PALLD: variants seen among roughly 807,000 people sequenced by gnomAD.
The protein encoded by PALLD is palladin, cytoskeletal associated protein.
In PALLD, 61 loss-of-function variants were observed where a neutral mutation model predicts 123.5. The ratio of observed to expected loss-of-function variants is 0.49; its 90% CI spans 0.40 to 0.61. The LOEUF (loss-of-function observed/expected upper bound fraction) is 0.61. Among genes scored for constraint, PALLD ranks in the 20% least tolerant of loss-of-function variants. The probability of loss-of-function intolerance (pLI) is 0.00; values close to 1 mark genes in which losing one functional copy is unlikely to be tolerated. For missense variants in PALLD, 1,273 were observed against 1,377.0 expected (o/e 0.92, Z 1.20); for synonymous variants, 465 against 496.4 (o/e 0.94, Z 0.84).
chr4:168,511,807 T>TGTCCAGA lies in PALLD; in HGVS notation c.309_310insAGTCCAG (p.Pro104SerfsTer10). ...GACCTCAGGATAACAGGTCAACACC[T>TGTCCAGA]GTCCAGCCTCTGGCAGAGAAACAAA... On this transcript the variant is annotated frameshift_variant, in exon 2 of 22. Transcript: ENST00000505667. LOFTEE classifies it high-confidence loss of function. 3.7e-6 allele frequency: 6 copies of TGTCCAGA among 1,614,184 alleles called. No homozygotes were observed. The highest frequency in any genetic ancestry group is 5.1e-6 in the Non-Finnish European group (6 of 1,180,028).
intron 2 of PALLD, among the ~76,000 whole-genome samples, chr4:168,628,505 C>T (rs747091005): frequency 1.3e-5 from 2 of 152,174 alleles, no homozygotes; most frequent in South Asian, 2.1e-4. Flanking sequence ...GTTCCTCAAA[C>T]GTGCTAGGCA....
intron 2 of PALLD, among the ~76,000 whole-genome samples, chr4:168,606,194 C>T (rs1358157262): frequency 6.6e-6 from 1 of 152,136 alleles, no homozygotes; most frequent in African/African-American, 2.4e-5. Flanking sequence ...GGAAGTTGAG[C>T]ATCCTTACGT....
intron 8 of PALLD, among the ~76,000 whole-genome samples, chr4:168,695,143 C>T (rs1783019226): frequency 6.6e-6 from 1 of 152,192 alleles, no homozygotes; most frequent in African/African-American, 2.4e-5. Context: ...ATTTTAATTT[C>T]TGCTCACCAG....
intron 10 of PALLD, among the ~76,000 whole-genome samples, chr4:168,870,949 A>C (rs757909925): frequency 1.8e-4 from 27 of 152,220 alleles, no homozygotes; most frequent in Non-Finnish European, 3.8e-4. Flanking sequence ...ATTGTATAGA[A>C]ATCTAGGGAT....
chr4:168,785,844 GAGATATATAT>G lies in PALLD; in HGVS notation c.1964+73923_1964+73932del, dbSNP rs1208998107. Among the ~76,000 whole-genome samples, 96 of 53,216 alleles carry G rather than the reference GAGATATATAT, an allele frequency of 1.8e-3. 2 individuals are homozygous for G. Among genetic ancestry groups the G allele is most frequent in the African/African-American group, 5.0e-3 (88 of 17,660 alleles). The allele number at this position is 53,216 out of a possible 152,430, so 34.9% of individuals were successfully genotyped here. ...ACAGAGTCAGTTCTAATAAACTGTA[GAGATATATAT>G]ATATATATATATATATATATATAGC... On this transcript the variant is annotated intron_variant, in intron 10 of 21. Transcript: ENST00000505667.
chr4:168,904,591 A>C (rs1757230803), intron 15 of PALLD, among the ~76,000 whole-genome samples: 1 of 152,136 alleles, frequency 6.6e-6, no homozygotes, highest in Non-Finnish European at 1.5e-5. Flanking sequence ...ATGAGTAAAA[A>C]GTTATTTTGT....
intron 10 of PALLD, among the ~76,000 whole-genome samples, chr4:168,773,338 C>T (rs898962363): frequency 3.9e-5 from 6 of 152,208 alleles, no homozygotes; most frequent in African/African-American, 1.2e-4. Context: ...GGAGCTTCCA[C>T]CAGGTTTTCT....
At chr4:168,766,775 A>C (rs1420294162) in intron 10 of PALLD, among the ~76,000 whole-genome samples, 1 of 152,202 alleles carries the variant, frequency 6.6e-6, no homozygotes, top group African/African-American at 2.4e-5. Context: ...ATATGATCTC[A>C]GTCATTCTAG....
At chr4:168,721,685 A>G (rs574693060) in intron 10 of PALLD, among the ~76,000 whole-genome samples, 1 of 152,292 alleles carries the variant, frequency 6.6e-6, no homozygotes, top group South Asian at 2.1e-4. Flanking sequence ...TCCTTCCTCC[A>G]TTAAACTTCA....
chr4:168,795,587 A>G (rs967012388), intron 10 of PALLD, among the ~76,000 whole-genome samples: 22 of 152,184 alleles, frequency 1.4e-4, no homozygotes, highest in South Asian at 2.1e-4. Flanking sequence ...TTCCTGAGAA[A>G]AGTTCCTATG....
At chr4:168,863,890 T>G (rs1249376144) in intron 10 of PALLD, 1 of 152,246 alleles carries the variant, frequency 6.6e-6, no homozygotes, top group African/African-American at 2.4e-5. Context: ...TAATCTTGGT[T>G]TCCTGGTATG....
chr4:168,563,470 C>A (rs1348466836), intron 2 of PALLD, among the ~76,000 whole-genome samples: 1 of 152,164 alleles, frequency 6.6e-6, no homozygotes, highest in Non-Finnish European at 1.5e-5. Flanking sequence ...AAAGTCAAAT[C>A]TCAGTAAAAC....
rs996343137 is a variant in PALLD at position 168,878,056 on chromosome 4, C to T, written c.1965-12866C>T. 1.4e-6 allele frequency: 2 copies of T among 1,480,438 alleles called. No homozygotes were observed. Among genetic ancestry groups the T allele is most frequent in the Admixed American group, 2.3e-5 (1 of 43,480 alleles). The allele number at this position is 1,480,438 out of a possible 1,614,324, so 91.7% of individuals were successfully genotyped here. ...CGTCCAGCCTCCCGTCGCCCATGTC[C>T]CCGACGCCGAGGCAGTTCGGCCGCG... is the stretch of plus-strand genomic sequence containing the variant. On this transcript the variant is annotated intron_variant, in intron 10 of 21. Transcript: ENST00000505667.
At chr4:168,912,924 GT>G (rs1300881972) in intron 15 of PALLD, among the ~76,000 whole-genome samples, 1 of 151,888 alleles carries the variant, frequency 6.6e-6, no homozygotes, top group Non-Finnish European at 1.5e-5. Context: ...CAAAATATAG[GT>G]TTTTTTAATT....
chr4:168,658,308 GA>G (rs1427614222), intron 2 of PALLD, among the ~76,000 whole-genome samples: 3 of 96,670 alleles, frequency 3.1e-5, no homozygotes, highest in Non-Finnish European at 6.0e-5. Flanking sequence ...TTTTTGTGAT[GA>G]GATCTTGCTT....
At chr4:168,790,309 G>T (rs1737332140) in intron 10 of PALLD, among the ~76,000 whole-genome samples, 1 of 152,026 alleles carries the variant, frequency 6.6e-6, no homozygotes, top group African/African-American at 2.4e-5. Flanking sequence ...CTACAGGCAT[G>T]TGCCACCATG....
rs1174380839 is a variant in PALLD at position 168,512,417 on chromosome 4, G to A, written c.908+5G>A. ...AAACCCCACTCCTCGAGTCAGGTAT[G>A]AATTTTTGTATTATGCATAGCAAAT... is the stretch of plus-strand genomic sequence containing the variant. On this transcript the variant is annotated splice_donor_5th_base_variant and intron_variant, in intron 2 of 21. Coordinates refer to ENST00000505667, the MANE Select transcript of PALLD (RefSeq NM_001166108.2). 1 of 1,611,432 alleles carries A rather than the reference G, an allele frequency of 6.2e-7. No individual in the cohort carries two copies. Among genetic ancestry groups the A allele is most frequent in the Non-Finnish European group, 8.5e-7 (1 of 1,178,726 alleles).
chr4:168,518,265 ATC>A (rs1405155573), intron 2 of PALLD, among the ~76,000 whole-genome samples: 2 of 152,122 alleles, frequency 1.3e-5, no homozygotes, highest in Admixed American at 6.6e-5. Flanking sequence ...AGCCACCATC[ATC>A]TGTCTCTTTG....
chr4:168,897,181 A>G (rs1465260618), intron 13 of PALLD, among the ~76,000 whole-genome samples: 1 of 152,138 alleles, frequency 6.6e-6, no homozygotes, highest in Non-Finnish European at 1.5e-5. Flanking sequence ...CATTAAATCA[A>G]GAAAAATTTT....
Sources: allele counts gnomAD v4.1 joint callset (sites outside exome capture counted in the v4.1 genomes callset), GRCh38; gene constraint gnomAD v4.1.1; transcripts MANE v1.5; gene names NCBI Gene and HGNC (gene_info 2026-07-23, HGNC 2026-07-21).